The following MYB variants were observed in gnomAD, a reference collection of about 807,000 sequenced individuals.
MYB encodes transcriptional activator Myb.
Under a neutral mutation model 92.9 loss-of-function variants are expected in MYB, and 28 were observed. The ratio of observed to expected loss-of-function variants is 0.30; its 90% CI spans 0.22 to 0.41. The LOEUF is 0.41. Ranked by LOEUF, MYB falls within the 10% of genes least tolerant of loss-of-function variation. The pLI, the probability that MYB is intolerant of heterozygous loss-of-function variation, is 1.00. For missense variants in MYB, 679 were observed against 929.3 expected (o/e 0.73, Z 3.50); for synonymous variants, 295 against 329.1 (o/e 0.90, Z 1.12).
chr6:135,188,416 G>C (rs1326941207), intron 3 of MYB, among the ~76,000 whole-genome samples: 6 of 151,610 alleles, frequency 4.0e-5, no homozygotes, highest in African/African-American at 1.5e-4. Context: ...CTGAAGGTTG[G>C]GCTCCTGCCC....
intron 2 of MYB, 111 bp from the exon 3 acceptor site, chr6:135,187,723 G>T (rs187279353): frequency 5.1e-6 from 3 of 584,484 alleles, no homozygotes; most frequent in East Asian, 2.9e-5. Flanking sequence ...TCCTGTATTC[G>T]GATACTTTAG....
chr6:135,195,207 G>C, intron 8 of MYB: 1 of 679,274 alleles, frequency 1.5e-6, no homozygotes, highest in Non-Finnish European at 2.1e-6. Context: ...TGGTCATACT[G>C]TAAGGAGACT....
chr6:135,206,228 T>A (rs210951), intron 15 of MYB, among the ~76,000 whole-genome samples: 14,993 of 99,002 alleles, frequency 0.15, 1,046 homozygotes, highest in East Asian at 0.17. Context: ...AAAAAAAAAA[T>A]AATAATAATA....
chr6:135,200,196 G>A lies in MYB; in HGVS notation c.1821G>A (p.Met607Ile). 6.2e-7 allele frequency: 1 copy of A among 1,614,120 alleles called. No individual in the cohort carries two copies. Among genetic ancestry groups the A allele is most frequent in the African/African-American group, 1.3e-5 (1 of 75,044 alleles). The change falls in exon 12 of 16, where the codon ATG (methionine) becomes ATA (isoleucine). Residue 607 changes from methionine to isoleucine, a missense_variant. By Grantham distance (10) the Met-to-Ile change is conservative. Around this residue, in one of 8 missense-constraint regions of MYB, gnomAD observed 402 missense variants for 434.2 expected, o/e 0.93. Transcript: ENST00000341911. Reference sequence around the variant, plus strand: ...AAATTAAATACGGTCCCCTGAAGATGCTAGTAAGTTCTAGAAAAGTTTTTG... The same window carrying A: ...AAATTAAATACGGTCCCCTGAAGATACTAGTAAGTTCTAGAAAAGTTTTTG... ...AQEIKYGPLKMLPQTPSHLVE... is the reference protein window; with the variant it reads ...AQEIKYGPLKILPQTPSHLVE...
chr6:135,183,496 A>G (rs535365614), intron 1 of MYB, among the ~76,000 whole-genome samples: 1 of 152,350 alleles, frequency 6.6e-6, no homozygotes, highest in African/African-American at 2.4e-5. Context: ...CGAGTGCATC[A>G]ACCCTGAAAT....
intron 11 of MYB, 140 bp from the exon 12 acceptor site, chr6:135,199,945 G>A (rs1583325410): frequency 9.1e-6 from 6 of 659,730 alleles, no homozygotes; most frequent in East Asian, 2.7e-5. Context: ...AACGAATAAC[G>A]TGATTAATCA....
At chr6:135,216,418 A>T (rs892554964) in intron 15 of MYB, among the ~76,000 whole-genome samples, 4 of 152,146 alleles carry the variant, frequency 2.6e-5, no homozygotes, top group African/African-American at 9.7e-5. Context: ...GAGTGTATTT[A>T]TCGTTGGAAT....
intron 15 of MYB, among the ~76,000 whole-genome samples, chr6:135,206,846 A>G (rs1270517119): frequency 1.3e-5 from 2 of 152,220 alleles, no homozygotes; most frequent in African/African-American, 4.8e-5. Context: ...TATCTCCTTC[A>G]TTTTATGTCA....
intron 15 of MYB, among the ~76,000 whole-genome samples, chr6:135,204,425 A>G (rs983941338): frequency 9.9e-5 from 15 of 152,106 alleles, no homozygotes; most frequent in African/African-American, 3.4e-4. Flanking sequence ...CAGCCTCCCA[A>G]TTAGCTGGAA....
Position 135,181,475 on chromosome 6 carries a change from TC to T in MYB, c.-35del, listed in dbSNP as rs1179866351. ...AGCGGGAGGCGGCAGCCCGGTGCGG[TC>T]CCCGCGGCTCTCGGCGGAGCCCCGC... On this transcript the variant is annotated 5_prime_UTR_variant, in exon 1 of 16. Transcript: ENST00000341911. The surrounding 1 kb of genome is among the most constrained non-coding windows in gnomAD (Gnocchi z 5.3). The T allele has an allele frequency of 9.0e-7, 1 of 1,111,206 alleles. No individual in the cohort carries two copies. The highest frequency in any genetic ancestry group is 5.1e-5 in the Admixed American group (1 of 19,722). The allele number at this position is 1,111,206 out of a possible 1,614,324, so 68.8% of individuals were successfully genotyped here. A position where few individuals can be genotyped will look rare whatever the true frequency, so the allele number is the denominator to read the frequency against.
At chr6:135,203,184 C>T in intron 14 of MYB, 33 bp from the exon 15 acceptor site, 1 of 1,470,486 alleles carries the variant, frequency 6.8e-7, no homozygotes, top group Non-Finnish European at 9.5e-7. Context: ...TATCCAACCT[C>T]ATTTAAATTT....
chr6:135,185,307 C>G (rs1433462050), intron 1 of MYB, among the ~76,000 whole-genome samples: 5 of 152,134 alleles, frequency 3.3e-5, no homozygotes, highest in Non-Finnish European at 5.9e-5. Flanking sequence ...ACTCAATGTT[C>G]TTATCTTTGC....
intron 15 of MYB, among the ~76,000 whole-genome samples, chr6:135,212,729 T>C (rs1409967904): frequency 6.6e-6 from 1 of 152,218 alleles, no homozygotes; most frequent in Non-Finnish European, 1.5e-5. Context: ...TTAACAAGAA[T>C]TCATATGCAG....
chr6:135,183,499 C>A (rs940704929), intron 1 of MYB, among the ~76,000 whole-genome samples: 1 of 152,164 alleles, frequency 6.6e-6, no homozygotes, highest in Non-Finnish European at 1.5e-5. Flanking sequence ...GTGCATCAAC[C>A]CTGAAATCAG....
At chr6:135,208,291 A>G (rs550234448) in intron 15 of MYB, among the ~76,000 whole-genome samples, 3 of 151,368 alleles carry the variant, frequency 2.0e-5, no homozygotes, top group Non-Finnish European at 4.4e-5. Flanking sequence ...GTTAGCCAGG[A>G]TGGTCTCAAT....
chr6:135,192,244 A>T, intron 5 of MYB, 80 bp from the exon 6 acceptor site: 1 of 1,184,170 alleles, frequency 8.4e-7, no homozygotes. Flanking sequence ...GGTCTCTGTT[A>T]GAAACAGTTT....
chr6:135,207,857 C>T (rs138351142), intron 15 of MYB, among the ~76,000 whole-genome samples: 1,877 of 151,602 alleles, frequency 0.012, 20 homozygotes, highest in Non-Finnish European at 0.019. Flanking sequence ...GCCTCAGTCC[C>T]CTGAGTAGCT....
Position 135,218,757 on chromosome 6 carries a change from T to C in MYB, c.*777T>C, listed in dbSNP as rs1276964126. ...TGCACTAGTATTTCAGACTTTTTAATTTTATATATATATACATTTTTTTTC... is the reference window on the plus strand; with the variant it reads ...TGCACTAGTATTTCAGACTTTTTAACTTTATATATATATACATTTTTTTTC... On this transcript the variant is annotated 3_prime_UTR_variant, in exon 16 of 16. Transcript: ENST00000341911. 1 of 201,208 alleles carries C rather than the reference T, an allele frequency of 5.0e-6. No homozygotes were observed. Among genetic ancestry groups the C allele is most frequent in the East Asian group, 7.6e-5 (1 of 13,072 alleles). The allele number at this position is 201,208 out of a possible 1,614,324, so 12.5% of individuals were successfully genotyped here. A position where few individuals can be genotyped will look rare whatever the true frequency, so the allele number is the denominator to read the frequency against.
intron 14 of MYB, 51 bp downstream of exon 14, chr6:135,201,800 A>G: frequency 8.5e-7 from 1 of 1,171,958 alleles, no homozygotes; most frequent in Non-Finnish European, 1.2e-6. Context: ...CTGGTGCCTC[A>G]TGAAATCCTG....
Sources: gnomAD v4.1 joint callset for allele counts (sites outside exome capture counted in the v4.1 genomes callset) on GRCh38, gnomAD v4.1.1 for gene constraint, gnomAD v4.1.1 regional missense constraint, Gnocchi (gnomAD v3.1) non-coding constraint, MANE v1.5 for transcripts, NCBI Gene and HGNC (gene_info 2026-07-23, HGNC 2026-07-21) for gene names.